AGBL4: variants seen among roughly 807,000 people sequenced by gnomAD.
AGBL4 encodes the protein cytosolic carboxypeptidase 6.
In AGBL4, 58 loss-of-function variants were observed where a neutral mutation model predicts 66.4. The ratio of observed to expected loss-of-function variants is 0.87; its 90% CI spans 0.71 to 1.09. The LOEUF (loss-of-function observed/expected upper bound fraction) is 1.09, where lower values mean the gene tolerates loss of function less well. AGBL4 is among the 50% of genes least tolerant of loss of function. The probability of loss-of-function intolerance (pLI) is 0.00; values close to 1 mark genes in which losing one functional copy is unlikely to be tolerated. For missense variants in AGBL4, 579 were observed against 631.0 expected, an observed-to-expected ratio of 0.92 and a Z score of 0.88; for synonymous variants, 234 against 222.9, an observed-to-expected ratio of 1.05 and a Z score of -0.44.
chr1:49,551,724 G>C (rs182238324), intron 3 of AGBL4, among the ~76,000 whole-genome samples: 2 of 152,312 alleles, frequency 1.3e-5, no homozygotes, highest in Non-Finnish European at 1.5e-5. Context: ...GACTCCATGA[G>C]AGTTCTTAGC....
intron 4 of AGBL4, among the ~76,000 whole-genome samples, chr1:49,099,554 T>C (rs1645164253): frequency 6.6e-6 from 1 of 152,230 alleles, no homozygotes; most frequent in Non-Finnish European, 1.5e-5. Context: ...GTGGTTTCAC[T>C]GTTTCATTTA....
chr1:48,743,076 T>A (rs1650172866), intron 6 of AGBL4, among the ~76,000 whole-genome samples: 1 of 152,172 alleles, frequency 6.6e-6, no homozygotes. Flanking sequence ...GGAAAGAGGT[T>A]CTGTTACGCC....
intron 1 of AGBL4, among the ~76,000 whole-genome samples, chr1:49,934,043 G>A (rs977244823): frequency 7.2e-5 from 11 of 151,980 alleles, no homozygotes; most frequent in African/African-American, 2.4e-4. Flanking sequence ...GGACACATGT[G>A]GGCTGAAAAT....
At chr1:49,476,468 C>A (rs1646847393) in intron 3 of AGBL4, among the ~76,000 whole-genome samples, 1 of 151,928 alleles carries the variant, frequency 6.6e-6, no homozygotes, top group Non-Finnish European at 1.5e-5. Context: ...CATTAGTTTT[C>A]TGCCTCGATA....
chr1:49,956,422 A>T (rs1372384850), intron 1 of AGBL4, among the ~76,000 whole-genome samples: 1 of 151,918 alleles, frequency 6.6e-6, no homozygotes, highest in Admixed American at 6.6e-5. Context: ...ACAGAAAATA[A>T]AAAGAGGCAT....
At chr1:49,685,151 C>T (rs1646764437) in intron 3 of AGBL4, among the ~76,000 whole-genome samples, 1 of 152,144 alleles carries the variant, frequency 6.6e-6, no homozygotes, top group Non-Finnish European at 1.5e-5. Context: ...TAAGTGAGAA[C>T]ATGTGGTATG....
intron 5 of AGBL4, among the ~76,000 whole-genome samples, chr1:48,969,681 C>T (rs1459179849): frequency 6.6e-6 from 1 of 151,966 alleles, no homozygotes; most frequent in Non-Finnish European, 1.5e-5. Flanking sequence ...TTTGTTGGGA[C>T]ATGAGGTGCC....
chr1:49,696,004 C>T (rs939556488), intron 3 of AGBL4, among the ~76,000 whole-genome samples: 4 of 152,006 alleles, frequency 2.6e-5, no homozygotes, highest in African/African-American at 4.8e-5. Context: ...GAGAAGCAAG[C>T]AATCAAGGGA....
intron 4 of AGBL4, among the ~76,000 whole-genome samples, chr1:49,198,619 C>T (rs890647870): frequency 3.3e-5 from 5 of 152,134 alleles, no homozygotes; most frequent in South Asian, 2.1e-4. Context: ...GGATTACGGG[C>T]GTGAAGCACA....
At chr1:48,668,172 A>T (rs1357642292) in intron 6 of AGBL4, among the ~76,000 whole-genome samples, 2 of 152,172 alleles carry the variant, frequency 1.3e-5, no homozygotes, top group African/African-American at 4.8e-5. Context: ...ACAGGTCCAT[A>T]GTACTCTTAA....
intron 5 of AGBL4, among the ~76,000 whole-genome samples, chr1:48,936,190 G>T (rs1457799735): frequency 6.6e-6 from 1 of 151,716 alleles, no homozygotes; most frequent in East Asian, 1.9e-4. Context: ...CTTGGGAGGC[G>T]GAGGTAGGAG....
chr1:50,020,749 T>C (rs1347033747), intron 1 of AGBL4, among the ~76,000 whole-genome samples: 2 of 152,198 alleles, frequency 1.3e-5, no homozygotes, highest in Non-Finnish European at 2.9e-5. Context: ...ATATAAAACA[T>C]AGAGAATACC....
chr1:48,686,935 A>G (rs901920539), intron 6 of AGBL4, among the ~76,000 whole-genome samples: 9 of 152,064 alleles, frequency 5.9e-5, no homozygotes, highest in Non-Finnish European at 7.4e-5. Context: ...CTGCATTGAC[A>G]GGCCCCTGGG....
intron 1 of AGBL4, among the ~76,000 whole-genome samples, chr1:49,970,444 T>C (rs886268121): frequency 6.6e-6 from 1 of 151,540 alleles, no homozygotes; most frequent in Non-Finnish European, 1.5e-5. Flanking sequence ...GCAAAGGAAA[T>C]GAATAACCAT....
At chr1:49,503,790 C>T (rs1355821742) in intron 3 of AGBL4, among the ~76,000 whole-genome samples, 4 of 152,056 alleles carry the variant, frequency 2.6e-5, no homozygotes, top group Non-Finnish European at 4.4e-5. Flanking sequence ...AATGCCTGTA[C>T]CCCCATTGTA....
chr1:49,735,530 A>C (rs1480923588), intron 2 of AGBL4, among the ~76,000 whole-genome samples: 1 of 151,904 alleles, frequency 6.6e-6, no homozygotes, highest in Admixed American at 6.6e-5. Flanking sequence ...TCTTATATCA[A>C]AAAATATAAG....
chr1:49,151,250 C>A (rs564915325), intron 4 of AGBL4, among the ~76,000 whole-genome samples: 1 of 135,508 alleles, frequency 7.4e-6, no homozygotes, highest in Non-Finnish European at 1.5e-5. Context: ...GCCTAGGTGA[C>A]AGAGCAAGAC....
In AGBL4 at chr1:49,250,636, G is replaced by T. The variant is rs555982510; in HGVS notation, c.283-4772C>A. Among the ~76,000 whole-genome samples, 3 of 152,010 alleles carry T rather than the reference G, an allele frequency of 2.0e-5. No homozygotes were observed. In the East Asian group the frequency reaches 5.8e-4, roughly 30 times the overall value. On this transcript the variant is annotated intron_variant, in intron 3 of 13. Transcript: ENST00000371839. ...TTTTTGTACTTTTAGTAGAGACAGG[G>T]TTTCACCATGTTGGCCAGGATGGTC...
At chr1:49,781,760 A>T (rs1644342577) in intron 2 of AGBL4, among the ~76,000 whole-genome samples, 1 of 152,156 alleles carries the variant, frequency 6.6e-6, no homozygotes, top group African/African-American at 2.4e-5. Flanking sequence ...AGTATCAATA[A>T]ATTTTTGAAG....
Sources: gnomAD v4.1 joint callset for allele counts (sites outside exome capture counted in the v4.1 genomes callset) on GRCh38, gnomAD v4.1.1 for gene constraint, MANE v1.5 for transcripts, NCBI Gene and HGNC (gene_info 2026-07-23, HGNC 2026-07-21) for gene names.